Variants in SLC9D1 observed in about 807,000 individuals in gnomAD.
SLC9D1 encodes putative LAG1-interacting protein.
chr13:113,528,966 C>G, the SLC9D1 span: 1 of 152,088 alleles, frequency 6.6e-6, no homozygotes, highest in Non-Finnish European at 1.5e-5. Context: ...CCACGCACAA[C>G]CAGTTATTCT....
At chr13:113,539,199 C>T in the SLC9D1 span, among the ~76,000 whole-genome samples, 3 of 152,176 alleles carry the variant, frequency 2.0e-5, no homozygotes, top group Admixed American at 2.0e-4. This position sits in a 1 kb window ranked among gnomAD's most constrained non-coding sequence, Gnocchi z 4.8. Context: ...ACCTCTCAGA[C>T]CCAGCAGACG....
At chr13:113,531,906 A>C in the SLC9D1 span, among the ~76,000 whole-genome samples, 1 of 152,110 alleles carries the variant, frequency 6.6e-6, no homozygotes, top group African/African-American at 2.4e-5. Context: ...AACCCTGGGG[A>C]TGGTGGCTGT....
At chr13:113,508,504 A>C in the SLC9D1 span, among the ~76,000 whole-genome samples, 3 of 152,232 alleles carry the variant, frequency 2.0e-5, no homozygotes, top group African/African-American at 7.2e-5. Flanking sequence ...AAGCATAGGA[A>C]GTAGAGAAAA....
chr13:113,496,108 A>T, the SLC9D1 span: 1 of 1,000,320 alleles, frequency 1.0e-6, no homozygotes, highest in South Asian at 1.6e-5. Context: ...CCACATCCTC[A>T]TCCTAGAGAC....
chr13:113,517,474 C>T, the SLC9D1 span, among the ~76,000 whole-genome samples: 30,801 of 151,962 alleles, frequency 0.2, 3,933 homozygotes, highest in African/African-American at 0.36. Context: ...GTGATCCGCC[C>T]GCCTTGGCCT....
the SLC9D1 span, chr13:113,539,280 C>A: frequency 2.8e-6 from 4 of 1,422,684 alleles, no homozygotes; most frequent in South Asian, 1.2e-5. The surrounding 1 kb of genome is among the most constrained non-coding windows in gnomAD (Gnocchi z 4.8). Context: ...TCTGCTGGGT[C>A]TCGGGGTGGC....
At chr13:113,517,289 A>G in the SLC9D1 span, among the ~76,000 whole-genome samples, 8 of 152,220 alleles carry the variant, frequency 5.3e-5, no homozygotes, top group South Asian at 2.1e-4. Flanking sequence ...CTGGAGTGCA[A>G]CGGCACAATT....
the SLC9D1 span, among the ~76,000 whole-genome samples, chr13:113,512,488 G>A: frequency 5.2e-5 from 7 of 135,626 alleles, no homozygotes; most frequent in South Asian, 2.4e-4. Context: ...GGGTTGGAGC[G>A]TAGATGGAGA....
chr13:113,533,539 T>C, the SLC9D1 span, among the ~76,000 whole-genome samples: 1 of 152,176 alleles, frequency 6.6e-6, no homozygotes, highest in African/African-American at 2.4e-5. Flanking sequence ...TATTCTGAGA[T>C]CTGGGTAGTA....
At chr13:113,539,439 C>T in the SLC9D1 span, 3 of 1,613,688 alleles carry the variant, frequency 1.9e-6, no homozygotes, top group Non-Finnish European at 2.5e-6. The surrounding 1 kb of genome is among the most constrained non-coding windows in gnomAD (Gnocchi z 4.8). Flanking sequence ...CCCGTGGTCA[C>T]CGAGGAGATC....
At chr13:113,549,477 T>C in the SLC9D1 span, 1 of 1,614,002 alleles carries the variant, frequency 6.2e-7, no homozygotes, top group South Asian at 1.1e-5. Flanking sequence ...CTCGCCCCGG[T>C]GCTGTGGAGA....
the SLC9D1 span, chr13:113,505,813 C>T: frequency 2.0e-5 from 3 of 152,216 alleles, no homozygotes; most frequent in African/African-American, 7.2e-5. Flanking sequence ...ATACTCTCTT[C>T]CCATTTGCTT....
the SLC9D1 span, among the ~76,000 whole-genome samples, chr13:113,526,453 C>T: frequency 6.6e-6 from 1 of 152,048 alleles, no homozygotes; most frequent in Non-Finnish European, 1.5e-5. Context: ...GGTGTGGTGG[C>T]TCACACCTGT....
the SLC9D1 span, chr13:113,549,357 T>C: frequency 1.3e-6 from 2 of 1,567,750 alleles, no homozygotes; most frequent in Non-Finnish European, 1.7e-6. Flanking sequence ...AGACCAGCCC[T>C]GTGCTTTCCT....
chr13:113,523,260 A>C, the SLC9D1 span, among the ~76,000 whole-genome samples: 1 of 152,118 alleles, frequency 6.6e-6, no homozygotes. Flanking sequence ...TATTTGGTAG[A>C]ATTCTGCAGT....
At chr13:113,543,159 T>TGTGTGTTACCCCC in the SLC9D1 span, among the ~76,000 whole-genome samples, 3 of 41,384 alleles carry the variant, frequency 7.2e-5, no homozygotes, top group African/African-American at 5.5e-4. Context: ...CCCCCCGCCC[T>TGTGTGTTACCCCC]ACCTCTGTCC....
the SLC9D1 span, among the ~76,000 whole-genome samples, chr13:113,513,646 T>C: frequency 1.3e-5 from 2 of 152,116 alleles, no homozygotes; most frequent in Admixed American, 6.6e-5. Flanking sequence ...AATAAACTTA[T>C]CAAAAGAGAG....
chr13:113,544,389 C>T, the SLC9D1 span, among the ~76,000 whole-genome samples: 1 of 152,192 alleles, frequency 6.6e-6, no homozygotes, highest in Non-Finnish European at 1.5e-5. Flanking sequence ...GTCTCGTGGA[C>T]GGCACGTGGC....
At chr13:113,508,269 AGC>A in the SLC9D1 span, among the ~76,000 whole-genome samples, 6 of 152,240 alleles carry the variant, frequency 3.9e-5, no homozygotes. Context: ...CAGGGCGCAC[AGC>A]GAGTTAGTGG....
Sources: gnomAD v4.1 joint callset for allele counts (sites outside exome capture counted in the v4.1 genomes callset) on GRCh38, gnomAD v4.1.1 for gene constraint, Gnocchi (gnomAD v3.1) non-coding constraint, MANE v1.5 for transcripts, NCBI Gene and HGNC (gene_info 2026-07-23, HGNC 2026-07-21) for gene names.